Variants in GRID2 observed in about 807,000 individuals in gnomAD.
GRID2 encodes the protein glutamate ionotropic receptor delta type subunit 2.
Under a neutral mutation model 114.8 loss-of-function variants are expected in GRID2, and 33 were observed. The ratio of observed to expected loss-of-function variants is 0.29; its 90% CI spans 0.22 to 0.38. The LOEUF (loss-of-function observed/expected upper bound fraction) is 0.38. Among genes scored for constraint, GRID2 ranks in the 10% least tolerant of loss-of-function variants. The probability of loss-of-function intolerance (pLI) is 1.00; values close to 1 mark genes in which losing one functional copy is unlikely to be tolerated. For synonymous variants in GRID2, 505 were observed against 449.9 expected (o/e 1.12, Z -1.55); for missense variants, 1,184 against 1,257.7 (o/e 0.94, Z 0.89).
At chr4:92,454,664 G>A (rs1444477915) in intron 1 of GRID2, among the ~76,000 whole-genome samples, 2 of 152,006 alleles carry the variant, frequency 1.3e-5, no homozygotes, top group Admixed American at 6.6e-5. Context: ...GTGAAACCCC[G>A]CCTCTACCAA....
rs74911034 is a variant in GRID2 at position 93,451,964 on chromosome 4, C to G, written c.1546-3698C>G. Reference sequence around the variant, plus strand: ...TTTTTAAGTCATTTAGTAGAAATGTCAATTATGTAGTTGAATAAATCAGTC... The same window carrying G: ...TTTTTAAGTCATTTAGTAGAAATGTGAATTATGTAGTTGAATAAATCAGTC... On this transcript the variant is annotated intron_variant, in intron 10 of 15. Transcript: ENST00000282020. 2.4e-3 allele frequency among the ~76,000 whole-genome samples: 371 copies of G among 152,158 alleles called. 4 individuals are homozygous for G. The highest frequency in any genetic ancestry group is 8.7e-3 in the African/African-American group (361 of 41,528).
intron 8 of GRID2, among the ~76,000 whole-genome samples, chr4:93,247,769 C>T (rs1227129086): frequency 2.6e-5 from 4 of 151,666 alleles, no homozygotes; most frequent in South Asian, 2.1e-4. Context: ...TTTATATATA[C>T]ATATATTCCC....
rs903014979 is a variant in GRID2, at chr4:92,877,948, G to A, written c.245-207047G>A. ...AGTTGGAGACCAGAAAAGAAAAACC[G>A]TCTGGTGTTTCTTGCTCCCCAGGTA... is the stretch of plus-strand genomic sequence containing the variant. On this transcript the variant is annotated intron_variant, in intron 2 of 15. Coordinates refer to ENST00000282020, the MANE Select transcript of GRID2 (RefSeq NM_001510.4). 7.2e-5 allele frequency among the ~76,000 whole-genome samples: 11 copies of A among 152,162 alleles called. No homozygotes were observed. In the South Asian group the frequency reaches 2.1e-3, roughly 29 times the overall value.
intron 11 of GRID2, among the ~76,000 whole-genome samples, chr4:93,464,860 C>T (rs1560647996): frequency 6.6e-6 from 1 of 152,174 alleles, no homozygotes; most frequent in Non-Finnish European, 1.5e-5. Context: ...GATTGCTGCA[C>T]AGTGTATTCT....
At chr4:92,574,881 G>A (rs1579609929) in intron 1 of GRID2, among the ~76,000 whole-genome samples, 1 of 152,052 alleles carries the variant, frequency 6.6e-6, no homozygotes, top group African/African-American at 2.4e-5. Flanking sequence ...TTGCTAGGTT[G>A]GGGAAGTTCT....
chr4:92,841,585 TGCA>T (rs1319699763), intron 2 of GRID2, among the ~76,000 whole-genome samples: 1 of 152,072 alleles, frequency 6.6e-6, no homozygotes, highest in Non-Finnish European at 1.5e-5. Context: ...ACATTCCAGA[TGCA>T]GTCCTTTTTC....
At chr4:93,184,892 C>T (rs917104336) in intron 4 of GRID2, among the ~76,000 whole-genome samples, 6 of 151,848 alleles carry the variant, frequency 4.0e-5, no homozygotes, top group Admixed American at 6.6e-5. Context: ...AAAAAAAACA[C>T]AAAAAACAAA....
intron 8 of GRID2, among the ~76,000 whole-genome samples, chr4:93,348,982 A>G (rs1035188407): frequency 2.0e-5 from 3 of 152,102 alleles, no homozygotes; most frequent in African/African-American, 7.2e-5. Flanking sequence ...TTTATTTATT[A>G]GCTTGGATAT....
intron 1 of GRID2, among the ~76,000 whole-genome samples, chr4:92,316,776 T>C (rs991687707): frequency 1.3e-5 from 2 of 152,102 alleles, no homozygotes; most frequent in Non-Finnish European, 2.9e-5. Context: ...CATAAAAACA[T>C]ATATTTCAGA....
intron 2 of GRID2, among the ~76,000 whole-genome samples, chr4:92,905,513 T>C (rs543143692): frequency 6.6e-6 from 1 of 152,152 alleles, no homozygotes; most frequent in Non-Finnish European, 1.5e-5. Flanking sequence ...AATAGATAAT[T>C]GTTCTGATGT....
At chr4:92,351,017 T>A (rs1728042197) in intron 1 of GRID2, among the ~76,000 whole-genome samples, 1 of 151,948 alleles carries the variant, frequency 6.6e-6, no homozygotes, top group Non-Finnish European at 1.5e-5. Context: ...TCATACTTTT[T>A]TATGGCCAAA....
chr4:92,770,996 G>A (rs768212811), intron 2 of GRID2, among the ~76,000 whole-genome samples: 16 of 149,588 alleles, frequency 1.1e-4, no homozygotes, highest in African/African-American at 2.9e-4. Flanking sequence ...TGGCTCATGA[G>A]AACTGAAATA....
intron 1 of GRID2, among the ~76,000 whole-genome samples, chr4:92,554,547 C>T (rs918354623): frequency 2.6e-5 from 4 of 151,998 alleles, no homozygotes; most frequent in Non-Finnish European, 4.4e-5. Context: ...ACAACTTAAT[C>T]GAGTAATTTG....
chr4:93,349,527 G>T (rs988223070), intron 8 of GRID2, among the ~76,000 whole-genome samples: 3 of 151,914 alleles, frequency 2.0e-5, no homozygotes, highest in South Asian at 2.1e-4. Context: ...CTAGAATATT[G>T]CTCCTTCTAG....
chr4:93,706,650 A>G (rs1728025308), intron 14 of GRID2, among the ~76,000 whole-genome samples: 1 of 152,134 alleles, frequency 6.6e-6, no homozygotes, highest in Non-Finnish European at 1.5e-5. Flanking sequence ...AGACCATATC[A>G]TCTGTAAAAA....
At chr4:92,727,600 T>G (rs1042719744) in intron 2 of GRID2, among the ~76,000 whole-genome samples, 3 of 152,146 alleles carry the variant, frequency 2.0e-5, no homozygotes, top group Admixed American at 6.6e-5. Flanking sequence ...GTTGTATATG[T>G]TACAGTAGTG....
At chr4:92,919,861 A>G (rs866909800) in intron 2 of GRID2, among the ~76,000 whole-genome samples, 1 of 152,164 alleles carries the variant, frequency 6.6e-6, no homozygotes, top group African/African-American at 2.4e-5. Context: ...GTAGATGTGT[A>G]TTAGGTCCGC....
intron 2 of GRID2, among the ~76,000 whole-genome samples, chr4:92,740,211 G>T (rs1401569868): frequency 6.6e-6 from 1 of 152,164 alleles, no homozygotes; most frequent in East Asian, 1.9e-4. Context: ...TTCTAGAAAA[G>T]ACACTGGTCA....
At chr4:93,050,345 T>C (rs1244916744) in intron 2 of GRID2, among the ~76,000 whole-genome samples, 9 of 152,222 alleles carry the variant, frequency 5.9e-5, no homozygotes, top group African/African-American at 2.2e-4. Context: ...CTATCCTCGT[T>C]GCTTTTTTAA....
Sources: allele counts gnomAD v4.1 joint callset (sites outside exome capture counted in the v4.1 genomes callset), GRCh38; gene constraint gnomAD v4.1.1; transcripts MANE v1.5; gene names NCBI Gene and HGNC (gene_info 2026-07-23, HGNC 2026-07-21).